Variants in ZSCAN2 observed in about 807,000 individuals in gnomAD.
ZSCAN2 encodes the protein zinc finger and SCAN domain-containing protein 2.
Under a neutral mutation model 47.8 loss-of-function variants are expected in ZSCAN2, and 26 were observed. The observed-to-expected ratio is 0.54, with a 90% CI of 0.40 to 0.75. The LOEUF is 0.75. Among genes scored for constraint, ZSCAN2 ranks in the 30% least tolerant of loss-of-function variants. The pLI is 0.00. For synonymous variants in ZSCAN2, 305 were observed against 288.7 expected (o/e 1.06, Z -0.57); for missense variants, 732 against 785.4 (o/e 0.93, Z 0.81).
chr15:84,612,322 T>A (rs192967888), intron 2 of ZSCAN2, among the ~76,000 whole-genome samples: 1 of 152,308 alleles, frequency 6.6e-6, no homozygotes, highest in East Asian at 1.9e-4. Flanking sequence ...GCAGCGGTGT[T>A]TGTAAAGATA....
At chr15:84,616,478 C>T (rs1436875671) in intron 2 of ZSCAN2, 1 of 1,430,070 alleles carries the variant, frequency 7.0e-7, no homozygotes, top group Non-Finnish European at 9.2e-7. Flanking sequence ...CAGGGCTCTC[C>T]ATGCTTATTC....
chr15:84,619,125 T>A (rs1021678690), intron 2 of ZSCAN2, among the ~76,000 whole-genome samples: 1 of 152,162 alleles, frequency 6.6e-6, no homozygotes, highest in Non-Finnish European at 1.5e-5. Flanking sequence ...CTGGAAGACA[T>A]ATTACCAATT....
rs1172144510 is a variant in ZSCAN2, at chr15:84,622,490, C to T, written c.*450C>T. The T allele has an allele frequency of 1.6e-6, 1 of 637,288 alleles. No homozygotes were observed. The allele number at this position is 637,288 out of a possible 1,614,324, so 39.5% of individuals were successfully genotyped here. A position where few individuals can be genotyped will look rare whatever the true frequency, so the allele number is the denominator to read the frequency against. ...CCACGTTGTTGGGCTAAGGTGCCTTCACCCCAAGCTGTTAGTGTTCCAGGG... is the reference window on the plus strand; with the variant it reads ...CCACGTTGTTGGGCTAAGGTGCCTTTACCCCAAGCTGTTAGTGTTCCAGGG... On this transcript the variant is annotated 3_prime_UTR_variant, in exon 3 of 3. Coordinates refer to ENST00000546148, the MANE Select transcript of ZSCAN2 (RefSeq NM_181877.4).
Position 84,622,304 on chromosome 15 carries a change from CCT to C in ZSCAN2, c.*268_*269del, listed in dbSNP as rs1005060775. On this transcript the variant is annotated 3_prime_UTR_variant, in exon 3 of 3. Transcript: ENST00000546148. ...TTACATTGGGTGACTTGATTGGCCC[CCT>C]CTCATGATTCCTCTGTGCCTCAGTT... The C allele has an allele frequency of 3.5e-6, 2 of 573,998 alleles. No homozygotes were observed. Among genetic ancestry groups the C allele is most frequent in the African/African-American group, 1.9e-5 (1 of 52,994 alleles). 35.6% of individuals were successfully genotyped at this position (573,998 alleles called of 1,614,324 possible). A position where few individuals can be genotyped will look rare whatever the true frequency, so the allele number is the denominator to read the frequency against.
At chr15:84,609,699 T>C (rs1453360963) in intron 2 of ZSCAN2, among the ~76,000 whole-genome samples, 5 of 152,138 alleles carry the variant, frequency 3.3e-5, no homozygotes, top group Admixed American at 2.0e-4. Flanking sequence ...AGGGCAGCGC[T>C]CTAATGGGGA....
At chr15:84,606,709 C>T (rs1895392521) in intron 2 of ZSCAN2, 2 of 1,459,286 alleles carry the variant, frequency 1.4e-6, no homozygotes, top group Non-Finnish European at 1.8e-6. Context: ...GAGGTGATTA[C>T]AGCCCTTCCC....
At chr15:84,618,835 A>T (rs1895752400) in intron 2 of ZSCAN2, among the ~76,000 whole-genome samples, 1 of 152,086 alleles carries the variant, frequency 6.6e-6, no homozygotes, top group Non-Finnish European at 1.5e-5. Context: ...AAGTGCTAGG[A>T]TTACAGGCGT....
In ZSCAN2 at chr15:84,621,917, T is replaced by G. The variant is rs775350414; in HGVS notation, c.1722T>G (p.Ile574Met). The part of the protein sequence containing the change: ...GKGFSWNSVL[I>M]IHQRIHTGEK... ...GCTTTAGCTGGAACTCAGTCCTCAT[T>G]ATACATCAGCGAATCCACACTGGGG... The change falls in exon 3 of 3, where the codon ATT becomes ATG. Residue 574 changes from isoleucine to methionine, a missense_variant. This residue lies in a region of ZSCAN2 where 412 missense variants were observed against 498.0 expected (regional missense o/e 0.83). Transcript: ENST00000546148. This position sits in a 1 kb window ranked among gnomAD's most constrained non-coding sequence, Gnocchi z 5.7. 1.9e-6 allele frequency: 3 copies of G among 1,613,788 alleles called. No homozygotes were observed. The highest frequency in any genetic ancestry group is 2.5e-6 in the Non-Finnish European group (3 of 1,179,930).
chr15:84,614,437 G>T (rs2141784314), intron 2 of ZSCAN2: 1 of 152,206 alleles, frequency 6.6e-6, no homozygotes, highest in East Asian at 1.9e-4. Flanking sequence ...GTTTTGGTTA[G>T]AATGTCATTT....
At chr15:84,612,965 G>T (rs1027159108) in intron 2 of ZSCAN2, among the ~76,000 whole-genome samples, 3 of 152,050 alleles carry the variant, frequency 2.0e-5, no homozygotes, top group African/African-American at 7.2e-5. Flanking sequence ...CTGCTATTTG[G>T]GTTTTTTGTT....
intron 1 of ZSCAN2, among the ~76,000 whole-genome samples, chr15:84,601,560 C>G (rs17531768): frequency 0.052 from 7,894 of 152,230 alleles, 288 homozygotes; most frequent in Non-Finnish European, 0.077. Context: ...TTCTTCTAGT[C>G]ATTTGAGTAA....
At chr15:84,606,815 G>A (rs1042464303) in intron 2 of ZSCAN2, 30 of 1,273,820 alleles carry the variant, frequency 2.4e-5, no homozygotes, top group Non-Finnish European at 3.0e-5. Flanking sequence ...GGGTTTGTCT[G>A]TCCCTGACTT....
Position 84,620,603 on chromosome 15 carries a change from T to C in ZSCAN2, c.408T>C (p.Asp136=). ...EDLTQTLQDS[D]FEIQSENGEN... ...GTATGTTTTTCTTCATTGTTTCAGA[T>C]TTTGAGATACAGAGTGAAAATGGGG... Residue 136 remains aspartate, a splice_region_variant and synonymous_variant, in exon 3 of 3, where the codon GAT becomes GAC. Coordinates refer to ENST00000546148, the MANE Select transcript of ZSCAN2 (RefSeq NM_181877.4). The C allele has an allele frequency of 6.3e-7, 1 of 1,594,178 alleles. No individual in the cohort carries two copies. The highest frequency in any genetic ancestry group is 8.6e-7 in the Non-Finnish European group (1 of 1,164,274).
intron 1 of ZSCAN2, among the ~76,000 whole-genome samples, chr15:84,603,529 C>T (rs564321066): frequency 5.9e-5 from 9 of 151,968 alleles, no homozygotes; most frequent in Admixed American, 2.6e-4. Flanking sequence ...CCACCACGCC[C>T]GGCTAATTTT....
intron 2 of ZSCAN2, among the ~76,000 whole-genome samples, chr15:84,616,151 C>T (rs770161764): frequency 1.3e-5 from 2 of 152,078 alleles, no homozygotes; most frequent in South Asian, 2.1e-4. Context: ...GCAGGAGAAT[C>T]GCTTGAACCT....
Position 84,604,142 on chromosome 15 carries a change from G to C in ZSCAN2, c.215G>C (p.Gly72Ala), listed in dbSNP as rs370914056. Reference protein sequence around the residue: ...KGGPQEEVTRGPQGALGRLRE... With the variant: ...KGGPQEEVTRAPQGALGRLRE... ...GGCCCCCAGGAGGAGGTGACCAGGG[G>C]ACCACAGGGTGCACTCGGCCGCCTC... Residue 72 changes from glycine to alanine, a missense_variant, in exon 2 of 3, where the codon GGA (glycine) becomes GCA (alanine). Physicochemically the swap from Gly to Ala is moderately conservative, Grantham distance 60. Transcript: ENST00000546148. The C allele has an allele frequency of 2.5e-6, 4 of 1,613,836 alleles. No individual in the cohort carries two copies. The Admixed American group carries it at 6.7e-5, about 27-fold the overall frequency.
chr15:84,613,809 C>G (rs1328740570), intron 2 of ZSCAN2, among the ~76,000 whole-genome samples: 2 of 151,584 alleles, frequency 1.3e-5, no homozygotes. Context: ...AGCCTCCCAA[C>G]TAGCTGGGAT....
chr15:84,620,899 C>G lies in ZSCAN2; in HGVS notation c.704C>G (p.Ser235Cys), dbSNP rs753127034. The G allele has an allele frequency of 6.2e-7, 1 of 1,614,178 alleles. No homozygotes were observed. Among genetic ancestry groups the G allele is most frequent in the Non-Finnish European group, 8.5e-7 (1 of 1,180,034 alleles). Residue 235 changes from serine to cysteine, a missense_variant, in exon 3 of 3, where the codon TCC becomes TGC. By Grantham distance (112) the Ser-to-Cys change is moderately radical. Coordinates refer to ENST00000546148, the MANE Select transcript of ZSCAN2 (RefSeq NM_181877.4). ...TGTGGGAAGACCTTCAGCCGGAAAT[C>G]CCACCTCATCACACACGAGAGGACC... ...PQCGKTFSRK[S>C]HLITHERTHT...
At chr15:84,601,675 A>G (rs1895206763) in intron 1 of ZSCAN2, among the ~76,000 whole-genome samples, 1 of 149,872 alleles carries the variant, frequency 6.7e-6, no homozygotes, top group African/African-American at 2.5e-5. Context: ...GAGGGTTGTT[A>G]GTTGAGTCTT....
Sources: gnomAD v4.1 joint callset for allele counts (sites outside exome capture counted in the v4.1 genomes callset) on GRCh38, gnomAD v4.1.1 for gene constraint, gnomAD v4.1.1 regional missense constraint, Gnocchi (gnomAD v3.1) non-coding constraint, MANE v1.5 for transcripts, NCBI Gene and HGNC (gene_info 2026-07-23, HGNC 2026-07-21) for gene names.